Variants in PTPRT observed in about 807,000 individuals in gnomAD.
The protein encoded by PTPRT is protein tyrosine phosphatase receptor type T, also known as receptor-type tyrosine-protein phosphatase T.
PTPRT carries 56 observed loss-of-function variants against 176.8 expected under a neutral mutation model. That is an observed-to-expected ratio of 0.32 (90% CI 0.26 to 0.40). The LOEUF (loss-of-function observed/expected upper bound fraction) is 0.40, where lower values mean the gene tolerates loss of function less well. PTPRT is among the 10% of genes least tolerant of loss of function. PTPRT has a pLI of 1.00. For synonymous variants in PTPRT, 783 were observed against 739.0 expected (o/e 1.06, Z -0.96); for missense variants, 1,540 against 1,908.2 (o/e 0.81, Z 3.60).
downstream of PTPRT, among the ~76,000 whole-genome samples, chr20:42,071,827 GT>G (rs1050617410): frequency 1.3e-5 from 2 of 151,596 alleles, no homozygotes; most frequent in Admixed American, 6.6e-5. Flanking sequence ...TGGCTAATTT[GT>G]TTGAACTTTT....
intron 7 of PTPRT, among the ~76,000 whole-genome samples, chr20:42,630,837 G>A (rs1439194114): frequency 2.0e-5 from 3 of 152,088 alleles, no homozygotes; most frequent in Non-Finnish European, 2.9e-5. Flanking sequence ...GTTGCTCTTG[G>A]ATAAGTATCA....
chr20:42,452,019 C>T (rs2070839471), intron 8 of PTPRT, among the ~76,000 whole-genome samples: 2 of 152,096 alleles, frequency 1.3e-5, no homozygotes, highest in South Asian at 4.1e-4. Context: ...GCCTATAATC[C>T]CAGCACTTTG....
intron 1 of PTPRT, among the ~76,000 whole-genome samples, chr20:43,062,176 G>A (rs113641792): frequency 0.014 from 2,167 of 152,198 alleles, 55 homozygotes; most frequent in African/African-American, 0.049. Context: ...TGATTAGCTG[G>A]GTATGCACAT....
chr20:42,748,977 G>A (rs967021539), intron 6 of PTPRT, among the ~76,000 whole-genome samples: 9 of 152,064 alleles, frequency 5.9e-5, no homozygotes, highest in African/African-American at 7.2e-5. Flanking sequence ...CCTTGCACTC[G>A]GAACTCCTGC....
intron 1 of PTPRT, among the ~76,000 whole-genome samples, chr20:42,954,799 T>C (rs932807754): frequency 6.6e-6 from 1 of 152,132 alleles, no homozygotes; most frequent in Non-Finnish European, 1.5e-5. Flanking sequence ...GGTCACTCAC[T>C]TCTTTCTAGG....
intron 2 of PTPRT, among the ~76,000 whole-genome samples, chr20:42,823,849 A>T (rs1232438876): frequency 1.3e-5 from 2 of 152,062 alleles, no homozygotes; most frequent in Non-Finnish European, 2.9e-5. Flanking sequence ...TATTTTCCTG[A>T]TGATATGATT....
At chr20:42,886,003 G>A (rs1382200164) in intron 1 of PTPRT, 71 bp from the exon 2 acceptor site, 24 of 1,334,522 alleles carry the variant, frequency 1.8e-5, no homozygotes, top group African/African-American at 3.0e-5. Context: ...CTGTCTCGTC[G>A]GCTCTTCATT....
chr20:42,385,511 T>C (rs777983281), intron 9 of PTPRT, among the ~76,000 whole-genome samples: 3 of 152,204 alleles, frequency 2.0e-5, no homozygotes, highest in African/African-American at 7.2e-5. Flanking sequence ...ATGAGGTAAA[T>C]ACATTCTGGA....
At chr20:42,459,386 G>A (rs2070979086) in intron 8 of PTPRT, among the ~76,000 whole-genome samples, 1 of 152,214 alleles carries the variant, frequency 6.6e-6, no homozygotes, top group Non-Finnish European at 1.5e-5. Context: ...GGAGCAGAGG[G>A]AGTGATATGA....
chr20:42,250,671 T>G (rs1270352653), intron 13 of PTPRT, among the ~76,000 whole-genome samples: 1 of 152,234 alleles, frequency 6.6e-6, no homozygotes, highest in Non-Finnish European at 1.5e-5. Context: ...TCATCATTGC[T>G]GCTTAACAGA....
chr20:42,228,060 T>C (rs1169260751), intron 15 of PTPRT, among the ~76,000 whole-genome samples: 1 of 152,238 alleles, frequency 6.6e-6, no homozygotes, highest in Non-Finnish European at 1.5e-5. Flanking sequence ...AGTATGTTTA[T>C]GAGGTAGAAG....
intron 9 of PTPRT, among the ~76,000 whole-genome samples, chr20:42,434,816 A>T (rs983215080): frequency 3.3e-5 from 5 of 151,000 alleles, no homozygotes; most frequent in African/African-American, 1.2e-4. Flanking sequence ...TAAAAAAAAA[A>T]TAGCCAAGCA....
At chr20:42,987,957 C>T (rs1015493129) in intron 1 of PTPRT, among the ~76,000 whole-genome samples, 2 of 152,116 alleles carry the variant, frequency 1.3e-5, no homozygotes, top group African/African-American at 4.8e-5. Context: ...CCATTGCTTC[C>T]CTCTGAGCAA....
At chr20:42,494,586 A>G (rs62204951) in intron 7 of PTPRT, among the ~76,000 whole-genome samples, 3,938 of 152,152 alleles carry the variant, frequency 0.026, 95 homozygotes, top group South Asian at 0.099. Flanking sequence ...TTTCACTATC[A>G]TATCAATCTC....
At chr20:42,214,647 T>C (rs1298361098) in intron 15 of PTPRT, among the ~76,000 whole-genome samples, 1 of 152,242 alleles carries the variant, frequency 6.6e-6, no homozygotes, top group Non-Finnish European at 1.5e-5. Context: ...ATTCTGCCTG[T>C]GACTACCTCT....
chr20:42,278,523 A>G (rs1175942421), intron 13 of PTPRT, among the ~76,000 whole-genome samples: 2 of 151,994 alleles, frequency 1.3e-5, no homozygotes, highest in African/African-American at 2.4e-5. Context: ...AAAGTAGCAA[A>G]ATGAACAGAT....
At chr20:42,991,688 C>T (rs1173704378) in intron 1 of PTPRT, among the ~76,000 whole-genome samples, 3 of 152,160 alleles carry the variant, frequency 2.0e-5, no homozygotes, top group Non-Finnish European at 4.4e-5. Flanking sequence ...CTCAATTGTA[C>T]ACTTAAAAAT....
chr20:42,711,463 C>T (rs1028506647), intron 6 of PTPRT, among the ~76,000 whole-genome samples: 2 of 152,110 alleles, frequency 1.3e-5, no homozygotes, highest in Non-Finnish European at 2.9e-5. Context: ...AGCACCTCCA[C>T]CTCTCTCTTG....
chr20:43,143,264 C>G (rs1268111989), intron 1 of PTPRT, among the ~76,000 whole-genome samples: 4 of 152,230 alleles, frequency 2.6e-5, no homozygotes, highest in African/African-American at 9.6e-5. Context: ...CTATCCCTCT[C>G]CCTCCTCCCT....
Sources: allele counts gnomAD v4.1 joint callset (sites outside exome capture counted in the v4.1 genomes callset), GRCh38; gene constraint gnomAD v4.1.1; transcripts MANE v1.5; gene names NCBI Gene and HGNC (gene_info 2026-07-23, HGNC 2026-07-21).